The following EXOC4 variants were observed in gnomAD, a reference collection of about 807,000 sequenced individuals.
EXOC4 encodes SEC8-like 1.
A neutral mutation model predicts 107.2 loss-of-function variants in EXOC4; 71 were observed. The ratio of observed to expected loss-of-function variants is 0.66; its 90% CI spans 0.55 to 0.81. EXOC4 has a LOEUF of 0.81. EXOC4 is among the 30% of genes least tolerant of loss of function. EXOC4 has a pLI of 0.00. For synonymous variants in EXOC4, 456 were observed against 441.2 expected, an observed-to-expected ratio of 1.03 and a Z score of -0.42; for missense variants, 1,108 against 1,189.6, an observed-to-expected ratio of 0.93 and a Z score of 1.01.
Position 133,978,617 on chromosome 7 carries a change from G to A in EXOC4, c.2207-18875G>A, listed in dbSNP as rs962602064. 7.2e-5 allele frequency among the ~76,000 whole-genome samples: 11 copies of A among 152,184 alleles called. No homozygotes were observed. In the South Asian group the frequency reaches 1.0e-3, roughly 14 times the overall value. ...AATTGCTGAAAGGGCTTAGACAGCC[G>A]TTGGAAGGATACAAAAAGCAAGGAA... On this transcript the variant is annotated intron_variant, in intron 14 of 17. Coordinates refer to ENST00000253861, the MANE Select transcript of EXOC4 (RefSeq NM_021807.4).
chr7:133,385,294 A>G (rs1413707795), intron 7 of EXOC4, among the ~76,000 whole-genome samples: 1 of 151,954 alleles, frequency 6.6e-6, no homozygotes, highest in African/African-American at 2.4e-5. Context: ...ATTTCCAGCT[A>G]TTTTTTTCTG....
intron 14 of EXOC4, among the ~76,000 whole-genome samples, chr7:133,982,236 C>G (rs1260168211): frequency 2.0e-5 from 3 of 152,166 alleles, no homozygotes; most frequent in Non-Finnish European, 4.4e-5. Flanking sequence ...AGGTACCCCT[C>G]AGCCTAAAAT....
At chr7:133,439,182 CTTTTTTTT>C (rs35280420) in intron 7 of EXOC4, among the ~76,000 whole-genome samples, 2 of 94,068 alleles carry the variant, frequency 2.1e-5, no homozygotes, top group African/African-American at 4.2e-5. Flanking sequence ...TTCATCAGTT[CTTTTTTTT>C]TTTTTTTTTT....
intron 9 of EXOC4, among the ~76,000 whole-genome samples, chr7:133,505,700 A>G (rs1000947638): frequency 3.3e-5 from 5 of 152,064 alleles, no homozygotes; most frequent in Admixed American, 2.6e-4. Flanking sequence ...AGGTTTTCAG[A>G]TTTTTCTCTA....
chr7:134,090,288 G>A, the EXOC4 span, among the ~76,000 whole-genome samples: 3 of 152,262 alleles, frequency 2.0e-5, no homozygotes, highest in East Asian at 1.9e-4. Context: ...ATAGTTACAA[G>A]GTCAAGCTCC....
intron 14 of EXOC4, among the ~76,000 whole-genome samples, chr7:133,996,477 T>G (rs1794395569): frequency 6.6e-6 from 1 of 152,236 alleles, no homozygotes; most frequent in Admixed American, 6.5e-5. Context: ...TAGTTTTTTG[T>G]TTTTGTTCAG....
At chr7:133,699,692 G>A (rs1196606423) in intron 10 of EXOC4, among the ~76,000 whole-genome samples, 2 of 152,088 alleles carry the variant, frequency 1.3e-5, no homozygotes, top group African/African-American at 4.8e-5. Context: ...CCATTTTGTT[G>A]GGGTTTGAAT....
intron 10 of EXOC4, among the ~76,000 whole-genome samples, chr7:133,800,652 C>T (rs1466341389): frequency 1.3e-5 from 2 of 152,042 alleles, no homozygotes; most frequent in African/African-American, 4.8e-5. Flanking sequence ...ATCTTAGGAA[C>T]AATAGTCAAA....
chr7:133,401,123 C>T (rs1364146316), intron 7 of EXOC4, among the ~76,000 whole-genome samples: 2 of 151,636 alleles, frequency 1.3e-5, no homozygotes, highest in South Asian at 2.1e-4. Context: ...ATCTTAGTTA[C>T]CATTACCATT....
intron 11 of EXOC4, among the ~76,000 whole-genome samples, chr7:133,891,876 C>T (rs1380908330): frequency 1.6e-5 from 1 of 62,442 alleles, no homozygotes; most frequent in Non-Finnish European, 2.6e-5. Context: ...GGATATTGGT[C>T]TAAAATTCTC....
intron 8 of EXOC4, among the ~76,000 whole-genome samples, chr7:133,478,626 G>T (rs1335965099): frequency 1.3e-5 from 2 of 152,078 alleles, no homozygotes; most frequent in Non-Finnish European, 2.9e-5. Flanking sequence ...AGTCATAAAG[G>T]ATTAAGATTT....
intron 7 of EXOC4, among the ~76,000 whole-genome samples, chr7:133,426,958 G>A (rs1196682293): frequency 6.6e-6 from 1 of 152,022 alleles, no homozygotes; most frequent in Non-Finnish European, 1.5e-5. Flanking sequence ...TGAGTAATTG[G>A]ATTCACATTG....
intron 17 of EXOC4, among the ~76,000 whole-genome samples, chr7:134,037,463 CT>C (rs1196491556): frequency 6.6e-6 from 1 of 152,012 alleles, no homozygotes; most frequent in Non-Finnish European, 1.5e-5. Context: ...GCATTTTTCC[CT>C]TGTGGGAGGC....
At chr7:134,049,668 C>T (rs1257061351) in intron 17 of EXOC4, among the ~76,000 whole-genome samples, 1 of 152,176 alleles carries the variant, frequency 6.6e-6, no homozygotes, top group African/African-American at 2.4e-5. Context: ...TGTCACATTG[C>T]TATAAGTACA....
At chr7:133,942,207 CTG>C (rs1800446494) in intron 14 of EXOC4, among the ~76,000 whole-genome samples, 1 of 151,860 alleles carries the variant, frequency 6.6e-6, no homozygotes, top group Admixed American at 6.6e-5. Context: ...GTAAAAATCT[CTG>C]GGATTAGAGA....
intron 14 of EXOC4, among the ~76,000 whole-genome samples, chr7:133,969,806 G>A (rs1801159071): frequency 6.6e-6 from 1 of 152,222 alleles, no homozygotes; most frequent in Non-Finnish European, 1.5e-5. Context: ...CCAGTCAGGA[G>A]ACACGGGGGT....
At chr7:133,382,954 G>A (rs545602458) in intron 7 of EXOC4, among the ~76,000 whole-genome samples, 53 of 152,252 alleles carry the variant, frequency 3.5e-4, no homozygotes, top group South Asian at 1.2e-3. Flanking sequence ...TCATAGTAAC[G>A]GGGTGTTATA....
At chr7:133,583,213 G>T (rs566718852) in intron 9 of EXOC4, among the ~76,000 whole-genome samples, 3 of 150,644 alleles carry the variant, frequency 2.0e-5, no homozygotes, top group African/African-American at 7.3e-5. Flanking sequence ...TACTTTTTTT[G>T]GCTGTTTCAA....
At chr7:133,725,614 T>C (rs1020537901) in intron 10 of EXOC4, among the ~76,000 whole-genome samples, 1 of 152,118 alleles carries the variant, frequency 6.6e-6, no homozygotes, top group Non-Finnish European at 1.5e-5. Context: ...GACCTCAGGT[T>C]ATCCAGCCAC....
Sources: gnomAD v4.1 joint callset for allele counts (sites outside exome capture counted in the v4.1 genomes callset) on GRCh38, gnomAD v4.1.1 for gene constraint, MANE v1.5 for transcripts, NCBI Gene and HGNC (gene_info 2026-07-23, HGNC 2026-07-21) for gene names.